The following WDR70 variants were observed in gnomAD, a reference collection of about 807,000 sequenced individuals.
WDR70 encodes WD repeat domain 70.
Under a neutral mutation model 88.6 loss-of-function variants are expected in WDR70, and 53 were observed. The ratio of observed to expected loss-of-function variants is 0.60; its 90% CI spans 0.48 to 0.75. The LOEUF (loss-of-function observed/expected upper bound fraction) is 0.75, where lower values mean the gene tolerates loss of function less well. Among genes scored for constraint, WDR70 ranks in the 30% least tolerant of loss-of-function variants. WDR70 has a pLI of 0.00. For missense variants in WDR70, 610 were observed against 823.2 expected (o/e 0.74, Z 3.17); for synonymous variants, 280 against 270.0 (o/e 1.04, Z -0.36).
chr5:37,557,961 T>A (rs374397674), intron 9 of WDR70, among the ~76,000 whole-genome samples: 104 of 147,280 alleles, frequency 7.1e-4, no homozygotes, highest in Admixed American at 8.1e-4. Context: ...AAGAGTATTA[T>A]GTATATTTAT....
intron 9 of WDR70, among the ~76,000 whole-genome samples, chr5:37,530,150 C>G (rs1660747881): frequency 6.6e-6 from 1 of 152,108 alleles, no homozygotes; most frequent in African/African-American, 2.4e-5. Flanking sequence ...GTTAAACCAT[C>G]CCTGGTATGA....
chr5:37,619,340 A>G (rs56288111), intron 10 of WDR70, among the ~76,000 whole-genome samples: 63,307 of 151,662 alleles, frequency 0.42, 15,027 homozygotes, highest in Non-Finnish European at 0.53. Context: ...TTATCTAGAT[A>G]GGGCTATGTC....
At chr5:37,748,324 C>A (rs1272291761) in intron 17 of WDR70, among the ~76,000 whole-genome samples, 1 of 152,324 alleles carries the variant, frequency 6.6e-6, no homozygotes, top group East Asian at 1.9e-4. Context: ...CTACAACCAT[C>A]TGATCTTCGA....
At chr5:37,543,016 A>G (rs757983210) in intron 9 of WDR70, among the ~76,000 whole-genome samples, 3 of 152,206 alleles carry the variant, frequency 2.0e-5, no homozygotes, top group Non-Finnish European at 4.4e-5. Flanking sequence ...TTGCATGCTT[A>G]TATTCCCTTG....
chr5:37,385,046 G>GT (rs1748566029), intron 3 of WDR70, among the ~76,000 whole-genome samples: 1 of 152,124 alleles, frequency 6.6e-6, no homozygotes, highest in South Asian at 2.1e-4. Flanking sequence ...CTTTACTTGC[G>GT]TTTAACAGTT....
intron 7 of WDR70, among the ~76,000 whole-genome samples, chr5:37,473,048 T>A (rs1328688786): frequency 6.6e-6 from 1 of 151,994 alleles, no homozygotes; most frequent in Non-Finnish European, 1.5e-5. Context: ...ATATTTGATA[T>A]GGTCAGTATC....
chr5:37,558,091 A>G (rs181338368), intron 9 of WDR70, among the ~76,000 whole-genome samples: 6 of 151,970 alleles, frequency 3.9e-5, no homozygotes, highest in Admixed American at 6.5e-5. Context: ...CGCCTTGGCT[A>G]TTCAGGTTTC....
intron 10 of WDR70, among the ~76,000 whole-genome samples, chr5:37,663,611 A>C (rs1227516539): frequency 6.6e-6 from 1 of 152,060 alleles, no homozygotes; most frequent in Non-Finnish European, 1.5e-5. Context: ...TCTCTGGTTT[A>C]CGTTACAACC....
At chr5:37,738,697 G>C (rs539754257) in intron 17 of WDR70, among the ~76,000 whole-genome samples, 1 of 152,286 alleles carries the variant, frequency 6.6e-6, no homozygotes, top group South Asian at 2.1e-4. Flanking sequence ...GGTGGGACTT[G>C]CTTTCTGTTG....
intron 9 of WDR70, among the ~76,000 whole-genome samples, chr5:37,602,087 G>C (rs1191117662): frequency 2.0e-5 from 3 of 151,166 alleles, no homozygotes; most frequent in Non-Finnish European, 4.4e-5. Context: ...GAGGCTAGGG[G>C]AGGGATAACA....
chr5:37,728,164 A>G (rs1471423897), intron 17 of WDR70, among the ~76,000 whole-genome samples: 1 of 151,998 alleles, frequency 6.6e-6, no homozygotes, highest in Non-Finnish European at 1.5e-5. Context: ...CCTGGCCAAC[A>G]TGGTGAAAGC....
rs59224939 is a variant in WDR70, at chr5:37,465,658, GTT to G, written c.687-14158_687-14157del. ...GTGTCCAAAAGACAAATTGTCATGA[GTT>G]TTTTTTTTTTTTTTTTTCTGAAGTA... is the stretch of plus-strand genomic sequence containing the variant. On this transcript the variant is annotated intron_variant, in intron 7 of 17. Transcript: ENST00000265107. Among the ~76,000 whole-genome samples the G allele has an allele frequency of 1.5e-3, 145 of 99,360 alleles. 1 individual carries two copies. The highest frequency in any genetic ancestry group is 0.011 in the East Asian group (37 of 3,294). The allele number at this position is 99,360 out of a possible 152,430, so 65.2% of individuals were successfully genotyped here.
chr5:37,556,768 A>C (rs945335168), intron 9 of WDR70, among the ~76,000 whole-genome samples: 1 of 152,256 alleles, frequency 6.6e-6, no homozygotes, highest in Non-Finnish European at 1.5e-5. Flanking sequence ...CAGAATTTAA[A>C]CATAGGAATG....
intron 10 of WDR70, among the ~76,000 whole-genome samples, chr5:37,657,927 C>T (rs1234238688): frequency 6.6e-6 from 1 of 152,170 alleles, no homozygotes; most frequent in Non-Finnish European, 1.5e-5. Context: ...CAGAAATTAA[C>T]CTCTAGTAAC....
intron 9 of WDR70, among the ~76,000 whole-genome samples, chr5:37,594,323 C>A (rs9686842): frequency 0.46 from 70,616 of 151,888 alleles, 18,030 homozygotes; most frequent in Non-Finnish European, 0.58. Context: ...TTTTTTTATA[C>A]GGTATAAGGA....
intron 9 of WDR70, among the ~76,000 whole-genome samples, chr5:37,528,022 C>G (rs1321012599): frequency 1.3e-5 from 2 of 152,186 alleles, no homozygotes; most frequent in African/African-American, 4.8e-5. Flanking sequence ...CACTTTTACA[C>G]TGTTGGTGGG....
intron 9 of WDR70, among the ~76,000 whole-genome samples, chr5:37,589,705 C>T (rs962299815): frequency 6.6e-6 from 1 of 151,960 alleles, no homozygotes; most frequent in African/African-American, 2.4e-5. Context: ...CTCAGCCTCC[C>T]GAGTAGCTGG....
intron 17 of WDR70, among the ~76,000 whole-genome samples, chr5:37,728,669 CTAACTTTGGCCACTTGCT>C: frequency 6.6e-6 from 1 of 152,204 alleles, no homozygotes; most frequent in South Asian, 2.1e-4. Flanking sequence ...ACTGGTGATG[CTAACTTTGGCCACTTGCT>C]TAAGGTTATA....
intron 10 of WDR70, among the ~76,000 whole-genome samples, chr5:37,688,751 G>A (rs1351584405): frequency 1.7e-5 from 2 of 118,906 alleles, no homozygotes; most frequent in Non-Finnish European, 3.9e-5. Context: ...CTGGTCTGCA[G>A]CTCCCAGTGT....
Sources: allele counts gnomAD v4.1 joint callset (sites outside exome capture counted in the v4.1 genomes callset), GRCh38; gene constraint gnomAD v4.1.1; transcripts MANE v1.5; gene names NCBI Gene and HGNC (gene_info 2026-07-23, HGNC 2026-07-21).